NME7: variants seen among roughly 807,000 people sequenced by gnomAD.
NME7 encodes the protein nucleoside diphosphate kinase 7.
A neutral mutation model predicts 49.1 loss-of-function variants in NME7; 41 were observed. That is an observed-to-expected ratio of 0.83 (90% CI 0.65 to 1.08). The LOEUF is 1.08. NME7 is among the 50% of genes least tolerant of loss of function. The pLI is 0.00. For synonymous variants in NME7, 139 were observed against 150.6 expected (o/e 0.92, Z 0.56); for missense variants, 423 against 463.4 (o/e 0.91, Z 0.80).
intron 1 of NME7, among the ~76,000 whole-genome samples, chr1:169,342,508 T>TATATATATAGTATATATATACAAGTAC (rs1182608094): frequency 3.9e-5 from 4 of 103,746 alleles, no homozygotes; most frequent in African/African-American, 1.2e-4. Flanking sequence ...TACAAGTACA[T>TATATATATAGTATATATATACAAGTAC]ATATATATAG....
At chr1:169,286,271 A>G (rs1337898416) in intron 7 of NME7, 4 of 152,048 alleles carry the variant, frequency 2.6e-5, no homozygotes, top group South Asian at 2.1e-4. Context: ...GGAATTCAGT[A>G]TTTTTTTACT....
intron 10 of NME7, among the ~76,000 whole-genome samples, chr1:169,175,077 CTT>C (rs1470208816): frequency 2.0e-5 from 3 of 151,904 alleles, no homozygotes; most frequent in Non-Finnish European, 4.4e-5. Flanking sequence ...GTACAAAAAT[CTT>C]TTCTTTCTTT....
At chr1:169,336,780 G>A (rs1309529590) in intron 1 of NME7, among the ~76,000 whole-genome samples, 1 of 149,418 alleles carries the variant, frequency 6.7e-6, no homozygotes, top group Non-Finnish European at 1.5e-5. Flanking sequence ...GCTGATTGGT[G>A]TATTTAAATC....
intron 10 of NME7, among the ~76,000 whole-genome samples, chr1:169,210,666 G>C (rs759617408): frequency 6.6e-6 from 1 of 151,976 alleles, no homozygotes; most frequent in Non-Finnish European, 1.5e-5. Context: ...AGAACAATAT[G>C]TTACTACAAA....
intron 10 of NME7, among the ~76,000 whole-genome samples, chr1:169,193,441 G>A (rs1464900116): frequency 6.6e-6 from 1 of 152,078 alleles, no homozygotes; most frequent in Non-Finnish European, 1.5e-5. Context: ...TGGTGTCAGT[G>A]GCTTTTACTT....
intron 7 of NME7, among the ~76,000 whole-genome samples, chr1:169,254,198 T>A (rs1259852467): frequency 6.7e-6 from 1 of 150,336 alleles, no homozygotes; most frequent in Non-Finnish European, 1.5e-5. Context: ...GGTCCTGGAC[T>A]CTTTTTGGTT....
At chr1:169,303,081 TA>T in intron 5 of NME7, 63 bp downstream of exon 5, 1 of 1,089,666 alleles carries the variant, frequency 9.2e-7, no homozygotes, top group Non-Finnish European at 1.4e-6. Flanking sequence ...TTTACAAATG[TA>T]ACTCCATAGT....
At chr1:169,158,803 C>A (rs1014320295) in intron 11 of NME7, among the ~76,000 whole-genome samples, 2 of 152,082 alleles carry the variant, frequency 1.3e-5, no homozygotes, top group African/African-American at 4.8e-5. Context: ...CCCCTAAGTT[C>A]TCAGGTGATG....
chr1:169,215,142 G>T (rs1276200426), intron 10 of NME7, among the ~76,000 whole-genome samples: 1 of 152,138 alleles, frequency 6.6e-6, no homozygotes, highest in East Asian at 1.9e-4. Context: ...GAAGGGAAGG[G>T]CAGATCTCTC....
intron 5 of NME7, 29 bp from the exon 6 acceptor site, chr1:169,298,792 T>A (rs745356524): frequency 3.2e-6 from 5 of 1,581,174 alleles, no homozygotes; most frequent in Non-Finnish European, 3.5e-6. Flanking sequence ...ATTAGTTTGC[T>A]TCTTTTTTCT....
At chr1:169,215,135 G>A (rs1164242277) in intron 10 of NME7, among the ~76,000 whole-genome samples, 2 of 152,174 alleles carry the variant, frequency 1.3e-5, no homozygotes, top group African/African-American at 2.4e-5. Flanking sequence ...TGGAGGGGAA[G>A]GGAAGGGCAG....
chr1:169,147,592 T>C (rs1302534775), intron 11 of NME7, among the ~76,000 whole-genome samples: 1 of 151,746 alleles, frequency 6.6e-6, no homozygotes, highest in Non-Finnish European at 1.5e-5. Flanking sequence ...CTAGTTAATA[T>C]TCCTACCATA....
intron 4 of NME7, among the ~76,000 whole-genome samples, chr1:169,306,727 C>T (rs1651187234): frequency 6.6e-6 from 1 of 152,066 alleles, no homozygotes; most frequent in Admixed American, 6.6e-5. Context: ...AAGAAAATAA[C>T]ATACAACAAG....
At chr1:169,199,454 T>C (rs1660481931) in intron 10 of NME7, among the ~76,000 whole-genome samples, 1 of 23,620 alleles carries the variant, frequency 4.2e-5, no homozygotes, top group Non-Finnish European at 1.0e-4. Context: ...GTCTTTTTTA[T>C]TATTATTATT....
intron 1 of NME7, among the ~76,000 whole-genome samples, chr1:169,352,466 T>C (rs1653213749): frequency 6.6e-6 from 1 of 152,066 alleles, no homozygotes; most frequent in Non-Finnish European, 1.5e-5. Flanking sequence ...GCCCCACAGC[T>C]AGTATCACAA....
chr1:169,151,883 C>G (rs1027536324), intron 11 of NME7, among the ~76,000 whole-genome samples: 1 of 152,322 alleles, frequency 6.6e-6, no homozygotes, highest in East Asian at 1.9e-4. Context: ...AGCCTGCCTC[C>G]TCAGCCTGCC....
Position 169,185,211 on chromosome 1 carries a change from A to G in NME7, c.991-15657T>C, listed in dbSNP as rs190417234. Among the ~76,000 whole-genome samples the G allele has an allele frequency of 2.8e-3, 426 of 152,346 alleles. 1 individual carries two copies. Among genetic ancestry groups the G allele is most frequent in the Admixed American group, 4.4e-3 (67 of 15,296 alleles). The stretch of plus-strand genomic sequence containing the variant: ...TGGGCCTCCACTGTTTGTAAGTCCA[A>G]CAATTAATAAGTCCAAAATAAGACA... On this transcript the variant is annotated intron_variant, in intron 10 of 11. Transcript: ENST00000367811.
chr1:169,203,458 A>G (rs1407431663), intron 10 of NME7, among the ~76,000 whole-genome samples: 1 of 152,172 alleles, frequency 6.6e-6, no homozygotes, highest in Non-Finnish European at 1.5e-5. Flanking sequence ...ATACCTCACA[A>G]TGAGAGACTG....
At chr1:169,242,923 G>C (rs1050159352) in intron 7 of NME7, among the ~76,000 whole-genome samples, 2 of 151,952 alleles carry the variant, frequency 1.3e-5, no homozygotes, top group African/African-American at 4.8e-5. Flanking sequence ...TAAATGAAGA[G>C]CATACAGTGT....
Sources: allele counts gnomAD v4.1 joint callset (sites outside exome capture counted in the v4.1 genomes callset), GRCh38; gene constraint gnomAD v4.1.1; transcripts MANE v1.5; gene names NCBI Gene and HGNC (gene_info 2026-07-23, HGNC 2026-07-21).